The following TONSL variants were observed in gnomAD, a reference collection of about 807,000 sequenced individuals.
The protein encoded by TONSL is tonsoku like, DNA repair protein.
A neutral mutation model predicts 147.1 loss-of-function variants in TONSL; 112 were observed. That is an observed-to-expected ratio of 0.76 (90% confidence interval 0.65 to 0.89). The LOEUF is 0.89. Ranked by LOEUF, TONSL falls within the 40% of genes least tolerant of loss-of-function variation. TONSL has a pLI of 0.00. For missense variants in TONSL, 1,883 were observed against 1,864.6 expected (o/e 1.01, Z -0.18); for synonymous variants, 868 against 801.5 (o/e 1.08, Z -1.40).
intron 4 of TONSL, 28 bp downstream of exon 4, chr8:144,443,110 G>A (rs1586697980): frequency 1.3e-6 from 2 of 1,541,618 alleles, no homozygotes; most frequent in East Asian, 4.9e-5. Flanking sequence ...AAGTTCAGGA[G>A]GCAGAAAACG....
Position 144,442,021 on chromosome 8 carries a change from GC to G in TONSL, c.865+15del. The G allele has an allele frequency of 6.2e-7, 1 of 1,609,164 alleles. No homozygotes were observed. Among genetic ancestry groups the G allele is most frequent in the Non-Finnish European group, 8.5e-7 (1 of 1,177,440 alleles). ...GCACACACCTCCCAGGGCCCCATTC[GC>G]ACCCCCAGGCTCACCATGCTGGAGG... On this transcript the variant is annotated intron_variant, in intron 7 of 25. Coordinates refer to ENST00000409379, the MANE Select transcript of TONSL (RefSeq NM_013432.5).
chr8:144,436,206 T>C lies in TONSL; in HGVS notation c.2227A>G (p.Ser743Gly). The change falls in exon 17 of 26, where the codon AGC (serine) becomes GGC (glycine). Residue 743 changes from serine to glycine, a missense_variant. By Grantham distance (56) the Ser-to-Gly change is moderately conservative. Transcript: ENST00000409379. ...CCTGCGCTGTCCTCGCCTTCTGAGC[T>C]GCTGCTGCTGCTGGCTGGCCCATGC... ...SRHGPASSSS[S>G]SEGEDSAGPA... 3.3e-6 allele frequency: 5 copies of C among 1,528,406 alleles called. No individual in the cohort carries two copies. The highest frequency in any genetic ancestry group is 4.4e-6 in the Non-Finnish European group (5 of 1,139,516). 94.7% of individuals were successfully genotyped at this position (1,528,406 alleles called of 1,614,324 possible).
At chr8:144,442,875 T>C (rs564131586) in intron 4 of TONSL, 69 bp from the exon 5 acceptor site, 106 of 1,544,018 alleles carry the variant, frequency 6.9e-5, no homozygotes, top group South Asian at 2.8e-4. Flanking sequence ...TGGGCCCCAT[T>C]TGGGGCCTGT....
chr8:144,430,319 G>A (rs533446345), intron 25 of TONSL, 85 bp downstream of exon 25: 9 of 1,402,906 alleles, frequency 6.4e-6, no homozygotes, highest in Non-Finnish European at 7.5e-6. Flanking sequence ...AGCAGTGACA[G>A]CCCCTTAGGA....
At chr8:144,441,284 C>T (rs1360689303) in intron 7 of TONSL, 173 bp from the exon 8 acceptor site, 21 of 904,130 alleles carry the variant, frequency 2.3e-5, no homozygotes, top group Non-Finnish European at 3.2e-5. Flanking sequence ...TCAAGGGTCA[C>T]AAGAACTAAC....
intron 22 of TONSL, 83 bp from the exon 23 acceptor site, chr8:144,432,543 C>T (rs1164967277): frequency 1.4e-6 from 2 of 1,386,856 alleles, no homozygotes; most frequent in African/African-American, 3.0e-5. Context: ...ACCCTCAGGA[C>T]CCCTTTGGGG....
chr8:144,440,365 G>A lies in TONSL; in HGVS notation c.1276C>T (p.Arg426Cys), dbSNP rs763425497. ...KALSCAQQAQ[R>C]PQLQRQVLQH... ...GGCTCTCGCACCTGCAGCTGGGGACGCTGGGCCTGCTGGGCACAGCTGAGC... is the reference window on the plus strand; with the variant it reads ...GGCTCTCGCACCTGCAGCTGGGGACACTGGGCCTGCTGGGCACAGCTGAGC... The change falls in exon 10 of 26, where the codon CGT (arginine) becomes TGT (cysteine). Residue 426 changes from arginine (R) to cysteine (C), a missense_variant. Physicochemically the swap from Arg to Cys is radical, Grantham distance 180. Coordinates refer to ENST00000409379, the MANE Select transcript of TONSL (RefSeq NM_013432.5). 16 of 1,595,678 alleles carry A rather than the reference G, an allele frequency of 1.0e-5. No homozygotes were observed. The highest frequency in any genetic ancestry group is 4.0e-5 in the African/African-American group (3 of 74,372).
At position 144,442,397 on chromosome 8, in the gene TONSL, G is replaced by C. The variant is rs745572644; in HGVS notation, c.594C>G (p.Tyr198Ter). 6.4e-7 allele frequency: 1 copy of C among 1,551,078 alleles called. No individual in the cohort carries two copies. Among genetic ancestry groups the C allele is most frequent in the Non-Finnish European group, 8.7e-7 (1 of 1,146,428 alleles). Residue 198 changes from tyrosine (Y) to a stop codon, truncating the protein, a stop_gained, in exon 6 of 26, where the codon TAC becomes TAG. Coordinates refer to ENST00000409379, the MANE Select transcript of TONSL (RefSeq NM_013432.5). LOFTEE classifies it high-confidence loss of function. Reference sequence around the variant, plus strand: ...TGTAGCGGGCGCGGAATAGGTCCTCGTAAAGGTGGTTCTGCCTGCAGAGGG... The same window carrying C: ...TGTAGCGGGCGCGGAATAGGTCCTCCTAAAGGTGGTTCTGCCTGCAGAGGG... ...SIFLAEQNHL[Y>*]EDLFRARYNL... is the part of the protein sequence containing the mutation.
Position 144,429,195 on chromosome 8 carries a change from GGGCCC to G in TONSL, c.4080_4084del (p.Gly1361ArgfsTer33). ...GCCGTGGTCCAGCGTGCACTCGCCGGGGCCCGGCCGACTGGGCTGCAGCTGGCGCA... is the reference window on the plus strand; with the variant it reads ...GCCGTGGTCCAGCGTGCACTCGCCGGGGCCGACTGGGCTGCAGCTGGCGCA... On this transcript the variant is annotated frameshift_variant, in exon 26 of 26. Transcript: ENST00000409379. LOFTEE classifies it high-confidence loss of function. 6.5e-7 allele frequency: 1 copy of G among 1,534,822 alleles called. No individual in the cohort carries two copies. The highest frequency in any genetic ancestry group is 8.7e-7 in the Non-Finnish European group (1 of 1,144,972).
At chr8:144,434,388 C>G in intron 20 of TONSL, 109 bp from the exon 21 acceptor site, 1 of 990,856 alleles carries the variant, frequency 1.0e-6, no homozygotes, top group Non-Finnish European at 1.4e-6. Context: ...GGTCACCCAC[C>G]AGACTTGCTG....
At chr8:144,435,585 C>T in intron 17 of TONSL, 35 bp from the exon 18 acceptor site, 1 of 1,563,638 alleles carries the variant, frequency 6.4e-7, no homozygotes, top group Non-Finnish European at 8.7e-7. Context: ...GAGTCAGGAG[C>T]CACAGTGGGC....
chr8:144,442,041 C>G lies in TONSL; in HGVS notation c.861G>C (p.Gln287His), dbSNP rs12677973. ...VQRAAICQNL[Q>H]HVLAVVRLQQ... ...CATTCGCACCCCCAGGCTCACCATG[C>G]TGGAGGTTCTGACAGATGGCTGCCC... Residue 287 changes from glutamine (Q) to histidine (H), a missense_variant, in exon 7 of 26, where the codon CAG becomes CAC. Physicochemically the swap from Gln to His is conservative, Grantham distance 24. Transcript: ENST00000409379. 2 of 1,612,544 alleles carry G rather than the reference C, an allele frequency of 1.2e-6. No homozygotes were observed. The highest frequency in any genetic ancestry group is 2.7e-5 in the African/African-American group (2 of 74,920).
intron 18 of TONSL, 90 bp from the exon 19 acceptor site, chr8:144,435,260 C>A: frequency 7.0e-7 from 1 of 1,420,168 alleles, no homozygotes; most frequent in South Asian, 1.5e-5. Context: ...GCCAGAAGCC[C>A]CCTCAGCTGC....
chr8:144,440,316 CG>C, intron 10 of TONSL, 34 bp downstream of exon 10: 1 of 1,563,234 alleles, frequency 6.4e-7, no homozygotes, highest in Non-Finnish European at 8.7e-7. Flanking sequence ...CTGGGCTCAC[CG>C]GGGAGCCAGT....
chr8:144,433,557 G>C, intron 22 of TONSL, 31 bp downstream of exon 22: 1 of 1,609,228 alleles, frequency 6.2e-7, no homozygotes, highest in Non-Finnish European at 8.5e-7. Flanking sequence ...CCAGGGCTAG[G>C]GAGTGGACAG....
Position 144,434,193 on chromosome 8 carries a change from G to T in TONSL, c.3172C>A (p.Gln1058Lys), listed in dbSNP as rs782612533. ...SACSLALDQA[Q>K]LTPLLRALKL... ...AGGGCCCGCAGCAGGGGTGTAAGCTGGGCCTGGTCCAGGGCCAGGGAGCAG... is the reference window on the plus strand; with the variant it reads ...AGGGCCCGCAGCAGGGGTGTAAGCTTGGCCTGGTCCAGGGCCAGGGAGCAG... Residue 1058 changes from glutamine (Q) to lysine (K), a missense_variant, in exon 21 of 26, where the codon CAG (glutamine) becomes AAG (lysine). Physicochemically the swap from Gln to Lys is moderately conservative, Grantham distance 53 (BLOSUM62 1). Transcript: ENST00000409379. 5 of 1,593,468 alleles carry T rather than the reference G, an allele frequency of 3.1e-6. No homozygotes were observed. Among genetic ancestry groups the T allele is most frequent in the Non-Finnish European group, 4.3e-6 (5 of 1,167,154 alleles).
At position 144,437,000 on chromosome 8, in the gene TONSL, G is replaced by A. The variant is rs182634476; in HGVS notation, c.1726+27C>T. On this transcript the variant is annotated intron_variant, in intron 14 of 25. Transcript: ENST00000409379. Reference sequence around the variant, plus strand: ...TCGCCCCACGTGTCCACCAAGGTGCGCCAGGCTCCTTCTGTCCCTTGCTCA... The same window carrying A: ...TCGCCCCACGTGTCCACCAAGGTGCACCAGGCTCCTTCTGTCCCTTGCTCA... 1,627 of 1,612,812 alleles carry A rather than the reference G, an allele frequency of 1.0e-3. 7 individuals carry two copies. The African/African-American group carries it at 0.013, about 12-fold the overall frequency.
Position 144,428,990 on chromosome 8 carries a change from C to G in TONSL, c.*153G>C, listed in dbSNP as rs1012059487. 2.0e-4 allele frequency: 167 copies of G among 852,166 alleles called. No individual in the cohort carries two copies. The highest frequency in any genetic ancestry group is 2.7e-4 in the Non-Finnish European group (158 of 595,252). The allele number at this position is 852,166 out of a possible 1,614,324, so 52.8% of individuals were successfully genotyped here. ...ATTTTTAGTAGAGACGGGGTTTCAC[C>G]ATGTTAGCCAGGATGGTCTCGATCT... On this transcript the variant is annotated 3_prime_UTR_variant, in exon 26 of 26. Transcript: ENST00000409379.
Position 144,435,818 on chromosome 8 carries a change from G to A in TONSL, c.2615C>T (p.Pro872Leu). Residue 872 changes from proline (P) to leucine (L), a missense_variant, in exon 17 of 26, where the codon CCC becomes CTC. Physicochemically the swap from Pro to Leu is moderately conservative, Grantham distance 98. Coordinates refer to ENST00000409379, the MANE Select transcript of TONSL (RefSeq NM_013432.5). Reference protein sequence around the residue: ...TSGSDSEESRPRARAKQVRLT... With the variant: ...TSGSDSEESRLRARAKQVRLT... ...GCGGACCTGCTTGGCTCGGGCACGG[G>A]GCCTGCTCTCCTCACTGTCCGACCC... 1 of 1,612,600 alleles carries A rather than the reference G, an allele frequency of 6.2e-7. No homozygotes were observed. The highest frequency in any genetic ancestry group is 1.1e-5 in the South Asian group (1 of 91,080).
Sources: gnomAD v4.1 joint callset for allele counts on GRCh38, gnomAD v4.1.1 for gene constraint, MANE v1.5 for transcripts, NCBI Gene and HGNC (gene_info 2026-07-23, HGNC 2026-07-21) for gene names.